The following CREB5 variants were observed in gnomAD, a reference collection of about 807,000 sequenced individuals.
CREB5 encodes cAMP responsive element binding protein 5.
CREB5 carries 19 observed loss-of-function variants against 57.1 expected under a neutral mutation model. The observed-to-expected ratio is 0.33, with a 90% CI of 0.23 to 0.49. The LOEUF (loss-of-function observed/expected upper bound fraction) is 0.49. Among genes scored for constraint, CREB5 ranks in the 20% least tolerant of loss-of-function variants. CREB5 has a pLI of 0.99. For synonymous variants in CREB5, 238 were observed against 238.3 expected (o/e 1.00, Z 0.01); for missense variants, 579 against 671.6 (o/e 0.86, Z 1.52).
intron 1 of CREB5, among the ~76,000 whole-genome samples, chr7:28,299,770 T>C (rs1047942526): frequency 4.6e-5 from 7 of 152,198 alleles, no homozygotes; most frequent in Non-Finnish European, 1.0e-4. Context: ...ATTTACCCTA[T>C]GTTAGATAGA....
chr7:28,672,180 A>AC (rs1554283278), intron 5 of CREB5, among the ~76,000 whole-genome samples: 3,019 of 84,374 alleles, frequency 0.036, 73 homozygotes, highest in African/African-American at 0.082. Flanking sequence ...TTATGGAAAA[A>AC]AAAAAAAAAC....
At chr7:28,646,786 CA>C (rs1798905550) in intron 5 of CREB5, among the ~76,000 whole-genome samples, 2 of 151,898 alleles carry the variant, frequency 1.3e-5, no homozygotes, top group Non-Finnish European at 1.5e-5. Flanking sequence ...AATCCTTTTG[CA>C]AATGAGATTT....
At chr7:28,524,720 A>G (rs1793366702) in intron 4 of CREB5, among the ~76,000 whole-genome samples, 2 of 152,152 alleles carry the variant, frequency 1.3e-5, no homozygotes. Context: ...GATACATCAT[A>G]TTTGTACACA....
intron 5 of CREB5, among the ~76,000 whole-genome samples, chr7:28,702,501 G>A (rs763205591): frequency 2.0e-4 from 30 of 152,194 alleles, no homozygotes; most frequent in Non-Finnish European, 4.1e-4. Flanking sequence ...GATCAATCTT[G>A]TTCACTTCTA....
At chr7:28,443,114 T>C (rs1789274241) in intron 1 of CREB5, among the ~76,000 whole-genome samples, 1 of 152,228 alleles carries the variant, frequency 6.6e-6, no homozygotes, top group African/African-American at 2.4e-5. Flanking sequence ...ACTAGTTTCA[T>C]GGATGCTGGC....
chr7:28,449,449 T>C (rs1001777962), intron 1 of CREB5, among the ~76,000 whole-genome samples: 6 of 152,210 alleles, frequency 3.9e-5, no homozygotes, highest in African/African-American at 1.4e-4. Flanking sequence ...CAACTTTCCA[T>C]CGTTTTGCGT....
intron 5 of CREB5, among the ~76,000 whole-genome samples, chr7:28,649,152 C>A (rs1266155714): frequency 6.6e-6 from 1 of 152,200 alleles, no homozygotes; most frequent in Non-Finnish European, 1.5e-5. Flanking sequence ...CAGTTGAAAT[C>A]TCTGTGATTC....
At chr7:28,678,836 C>A (rs1035335969) in intron 5 of CREB5, among the ~76,000 whole-genome samples, 7 of 152,230 alleles carry the variant, frequency 4.6e-5, no homozygotes, top group Admixed American at 3.9e-4. Context: ...TGTTGGAGGG[C>A]GAATTCTCCT....
chr7:28,491,785 A>G (rs1249045230), intron 2 of CREB5, among the ~76,000 whole-genome samples: 1 of 152,168 alleles, frequency 6.6e-6, no homozygotes, highest in African/African-American at 2.4e-5. Flanking sequence ...TGTTGTGGCC[A>G]TGGTGTTTAC....
At chr7:28,499,428 G>T (rs1792186159) in intron 3 of CREB5, among the ~76,000 whole-genome samples, 2 of 152,142 alleles carry the variant, frequency 1.3e-5, no homozygotes, top group South Asian at 4.1e-4. Context: ...TCACACGTGT[G>T]TGTGTGTGAC....
intron 1 of CREB5, among the ~76,000 whole-genome samples, chr7:28,341,105 ATTGT>A (rs759196220): frequency 6.6e-6 from 1 of 151,828 alleles, no homozygotes; most frequent in Admixed American, 6.6e-5. Flanking sequence ...CGCTCATCTG[ATTGT>A]TTGTTCTTAT....
intron 5 of CREB5, among the ~76,000 whole-genome samples, chr7:28,617,964 A>G (rs1269014419): frequency 2.6e-5 from 4 of 152,196 alleles, no homozygotes; most frequent in Non-Finnish European, 1.5e-5. Context: ...GAGACATTTG[A>G]CATAACTGAT....
At chr7:28,307,982 G>A (rs1785217766) in intron 1 of CREB5, among the ~76,000 whole-genome samples, 1 of 152,200 alleles carries the variant, frequency 6.6e-6, no homozygotes, top group African/African-American at 2.4e-5. Flanking sequence ...GGCTGCTCCA[G>A]GCATAGGTGA....
At chr7:28,438,157 C>T (rs2128559234) in intron 1 of CREB5, among the ~76,000 whole-genome samples, 1 of 152,276 alleles carries the variant, frequency 6.6e-6, no homozygotes, top group Non-Finnish European at 1.5e-5. Flanking sequence ...TGTTATGTAA[C>T]AGACTTTCAC....
chr7:28,664,782 C>A (rs1280087264), intron 5 of CREB5, among the ~76,000 whole-genome samples: 11 of 152,058 alleles, frequency 7.2e-5, no homozygotes, highest in African/African-American at 1.9e-4. Context: ...AATGGACAGC[C>A]CTTTCATGTG....
intron 5 of CREB5, among the ~76,000 whole-genome samples, chr7:28,619,854 C>T (rs1385907241): frequency 6.6e-6 from 1 of 152,084 alleles, no homozygotes; most frequent in African/African-American, 2.4e-5. Context: ...TGGTCATGTG[C>T]CAAAGGTGAG....
chr7:28,492,245 C>A (rs189349862), intron 2 of CREB5, among the ~76,000 whole-genome samples: 58 of 152,348 alleles, frequency 3.8e-4, no homozygotes, highest in Middle Eastern at 6.8e-3. Flanking sequence ...GGTGATCCAT[C>A]CGCCTCGGCT....
chr7:28,402,791 A>G (rs915043530), intron 1 of CREB5, among the ~76,000 whole-genome samples: 1 of 152,228 alleles, frequency 6.6e-6, no homozygotes, highest in Non-Finnish European at 1.5e-5. Flanking sequence ...AAAACACCAA[A>G]AGCAATGGCA....
chr7:28,796,040 A>C (rs1206162626), intron 7 of CREB5, among the ~76,000 whole-genome samples: 1 of 152,154 alleles, frequency 6.6e-6, no homozygotes, highest in Non-Finnish European at 1.5e-5. Flanking sequence ...GGTGTGAGGC[A>C]CTGCACTCAG....
Sources: gnomAD v4.1 joint callset for allele counts (sites outside exome capture counted in the v4.1 genomes callset) on GRCh38, gnomAD v4.1.1 for gene constraint, MANE v1.5 for transcripts, NCBI Gene and HGNC (gene_info 2026-07-23, HGNC 2026-07-21) for gene names.